The following HGSNAT variants were observed in gnomAD, a reference collection of about 807,000 sequenced individuals.
HGSNAT encodes heparan-alpha-glucosaminide N-acetyltransferase, also known as transmembrane protein 76.
In HGSNAT, 59 loss-of-function variants were observed where a neutral mutation model predicts 85.2. The observed-to-expected ratio is 0.69, with a 90% confidence interval of 0.56 to 0.86. HGSNAT has a LOEUF of 0.86. Ranked by LOEUF, HGSNAT falls within the 40% of genes least tolerant of loss-of-function variation. The pLI, the probability that HGSNAT is intolerant of heterozygous loss-of-function variation, is 0.00. For synonymous variants in HGSNAT, 321 were observed against 304.5 expected (o/e 1.05, Z -0.56); for missense variants, 756 against 777.1 (o/e 0.97, Z 0.32).
chr8:43,191,387 TC>T, intron 11 of HGSNAT, 86 bp from the exon 12 acceptor site: 1 of 1,509,630 alleles, frequency 6.6e-7, no homozygotes, highest in Non-Finnish European at 9.0e-7. Flanking sequence ...AAGAAATGAG[TC>T]ACCGGGAATT....
At position 43,160,744 on chromosome 8, in the gene HGSNAT, A is replaced by G. The variant is rs777286616; in HGVS notation, c.494-694A>G. ...TTAAATTTCTCTAAATGTCCCTTTT[A>G]ATATCCTTCTCCGGTGCTGGATTTG... On this transcript the variant is annotated intron_variant, in intron 4 of 17. Coordinates refer to ENST00000379644, the MANE Select transcript of HGSNAT (RefSeq NM_152419.3). 3.0e-4 allele frequency among the ~76,000 whole-genome samples: 46 copies of G among 152,302 alleles called. No homozygotes were observed. The Middle Eastern group carries it at 0.017, about 56-fold the overall frequency.
intron 2 of HGSNAT, among the ~76,000 whole-genome samples, chr8:43,157,043 G>C (rs1586710296): frequency 6.6e-6 from 1 of 152,154 alleles, no homozygotes; most frequent in East Asian, 1.9e-4. Flanking sequence ...GATTAGTATG[G>C]CTATATTAAA....
chr8:43,176,670 A>T (rs1159162800), intron 9 of HGSNAT, among the ~76,000 whole-genome samples: 1 of 152,134 alleles, frequency 6.6e-6, no homozygotes, highest in East Asian at 1.9e-4. Flanking sequence ...AATTTTTCTA[A>T]TGTATGAACA....
Position 43,169,236 on chromosome 8 carries a change from C to A in HGSNAT, c.627C>A (p.Ile209=). ...GTTCTCGAGAAACTGATCGCCTCAT[C>A]AATTCTGTAAGTTATGAGATGCATA... The part of the protein sequence containing the change: ...AISSRETDRL[I]NSELGSPSRT... Residue 209 remains isoleucine, a synonymous_variant, in exon 6 of 18, where the codon ATC becomes ATA. Transcript: ENST00000379644. 6.3e-7 allele frequency: 1 copy of A among 1,578,736 alleles called. No homozygotes were observed. The highest frequency in any genetic ancestry group is 8.6e-7 in the Non-Finnish European group (1 of 1,158,632).
At chr8:43,147,706 T>TA (rs1054587129) in intron 2 of HGSNAT, among the ~76,000 whole-genome samples, 2 of 152,074 alleles carry the variant, frequency 1.3e-5, no homozygotes, top group Non-Finnish European at 2.9e-5. Context: ...ATTGGGTACT[T>TA]ATGAACATAA....
chr8:43,181,348 G>A (rs1804116223), intron 10 of HGSNAT, among the ~76,000 whole-genome samples: 2 of 151,994 alleles, frequency 1.3e-5, no homozygotes, highest in African/African-American at 2.4e-5. Flanking sequence ...GTTTAGTGGT[G>A]CGCAGGGACA....
chr8:43,143,483 C>T (rs930759367), intron 1 of HGSNAT, among the ~76,000 whole-genome samples: 2 of 151,930 alleles, frequency 1.3e-5, no homozygotes, highest in African/African-American at 4.8e-5. Flanking sequence ...TGCTTGACCT[C>T]TTCAGGCCTC....
chr8:43,148,009 G>A (rs1185495141), intron 2 of HGSNAT, among the ~76,000 whole-genome samples: 1 of 152,032 alleles, frequency 6.6e-6, no homozygotes, highest in Non-Finnish European at 1.5e-5. Context: ...TTGGGAGACC[G>A]AGGTAGGGGG....
At chr8:43,162,646 G>A (rs1348872569) in intron 5 of HGSNAT, among the ~76,000 whole-genome samples, 2 of 151,744 alleles carry the variant, frequency 1.3e-5, no homozygotes, top group African/African-American at 4.8e-5. Context: ...TGACTTCCTG[G>A]GCTCAGGTGA....
intron 2 of HGSNAT, among the ~76,000 whole-genome samples, chr8:43,149,373 A>G (rs945665218): frequency 6.6e-6 from 1 of 151,954 alleles, no homozygotes; most frequent in Non-Finnish European, 1.5e-5. Flanking sequence ...GTCTAGACAT[A>G]AACTTTTAAA....
At chr8:43,193,428 C>T (rs1363525925) in intron 13 of HGSNAT, among the ~76,000 whole-genome samples, 2 of 152,126 alleles carry the variant, frequency 1.3e-5, no homozygotes, top group African/African-American at 2.4e-5. Flanking sequence ...AGGAAGGTAC[C>T]GTGCATTGCA....
At chr8:43,178,338 T>C (rs1803887556) in intron 10 of HGSNAT, 104 bp downstream of exon 10, 8 of 793,162 alleles carry the variant, frequency 1.0e-5, no homozygotes, top group Admixed American at 2.8e-5. Context: ...TGCCTGCAAA[T>C]AGAATAATCA....
intron 14 of HGSNAT, 165 bp downstream of exon 14, chr8:43,194,008 GA>G: frequency 7.3e-7 from 1 of 1,376,716 alleles, no homozygotes; most frequent in Non-Finnish European, 9.4e-7. Flanking sequence ...AAAAGTTACT[GA>G]AATTCAGCAC....
intron 2 of HGSNAT, among the ~76,000 whole-genome samples, chr8:43,150,831 T>C (rs1035652680): frequency 1.0e-5 from 1 of 100,316 alleles, no homozygotes. Context: ...GAGACTCCGT[T>C]TCAAAATAAA....
At position 43,148,263 on chromosome 8, in the gene HGSNAT, T is replaced by A. The variant is rs72647297; in HGVS notation, c.234+1200T>A. ...GTCTCAAAAAAATAAAAAGAAAAAA[T>A]TTTTATTGCCAAATTGAGAGCTTCG... On this transcript the variant is annotated intron_variant, in intron 2 of 17. Transcript: ENST00000379644. 4.1e-3 allele frequency among the ~76,000 whole-genome samples: 622 copies of A among 151,598 alleles called. 5 individuals carry two copies. Among genetic ancestry groups the A allele is most frequent in the Non-Finnish European group, 4.7e-3 (319 of 67,874 alleles).
intron 11 of HGSNAT, among the ~76,000 whole-genome samples, chr8:43,191,138 CATTT>C (rs1401908073): frequency 1.3e-5 from 2 of 152,194 alleles, no homozygotes; most frequent in Admixed American, 6.5e-5. Flanking sequence ...TTTGCTCACC[CATTT>C]ATTAGTCAGT....
chr8:43,164,714 G>A (rs1326728761), intron 5 of HGSNAT, among the ~76,000 whole-genome samples: 2 of 152,154 alleles, frequency 1.3e-5, no homozygotes, highest in African/African-American at 2.4e-5. Context: ...CCAGGAAGTG[G>A]AGGTTTGCAG....
intron 11 of HGSNAT, among the ~76,000 whole-genome samples, chr8:43,185,114 A>C (rs977718557): frequency 2.0e-5 from 3 of 152,228 alleles, no homozygotes; most frequent in Admixed American, 1.3e-4. Flanking sequence ...TGTCTTGGCA[A>C]TGCAGGCTCT....
At chr8:43,146,770 T>TGCAC (rs1187407694) in intron 1 of HGSNAT, among the ~76,000 whole-genome samples, 178 bp from the exon 2 acceptor site, 6 of 151,842 alleles carry the variant, frequency 4.0e-5, no homozygotes, top group Admixed American at 1.3e-4. Flanking sequence ...CATGCATGCA[T>TGCAC]GCACGCACAT....
Sources: allele counts gnomAD v4.1 joint callset (sites outside exome capture counted in the v4.1 genomes callset), GRCh38; gene constraint gnomAD v4.1.1; transcripts MANE v1.5; gene names NCBI Gene and HGNC (gene_info 2026-07-23, HGNC 2026-07-21).